The following CAST variants were observed in gnomAD, a reference collection of about 807,000 sequenced individuals.
CAST encodes calpastatin, also known as MIR583 host.
In CAST, 76 loss-of-function variants were observed where a neutral mutation model predicts 119.6. That is an observed-to-expected ratio of 0.64 (90% confidence interval 0.53 to 0.77). CAST has a LOEUF of 0.77. Ranked by LOEUF, CAST falls within the 30% of genes least tolerant of loss-of-function variation. The pLI, the probability that CAST is intolerant of heterozygous loss-of-function variation, is 0.00. For missense variants in CAST, 953 were observed against 946.5 expected, an observed-to-expected ratio of 1.01 and a Z score of -0.09; for synonymous variants, 319 against 331.6, an observed-to-expected ratio of 0.96 and a Z score of 0.41.
chr5:96,047,081 T>A, the CAST span, among the ~76,000 whole-genome samples: 5 of 152,278 alleles, frequency 3.3e-5, no homozygotes, highest in African/African-American at 4.8e-5. Flanking sequence ...ATAAGACTTT[T>A]AAAAAATATA....
intron 1 of CAST, among the ~76,000 whole-genome samples, chr5:96,533,636 G>C (rs981950142): frequency 6.6e-6 from 1 of 152,044 alleles, no homozygotes; most frequent in Non-Finnish European, 1.5e-5. Flanking sequence ...GTACATGTAG[G>C]CTCCAAATTT....
the CAST span, among the ~76,000 whole-genome samples, chr5:95,986,595 T>G: frequency 6.6e-6 from 1 of 152,196 alleles, no homozygotes; most frequent in Non-Finnish European, 1.5e-5. Flanking sequence ...TTTCATCTTC[T>G]CTTCTTACTT....
the CAST span, among the ~76,000 whole-genome samples, chr5:96,110,144 A>C: frequency 6.6e-6 from 1 of 152,210 alleles, no homozygotes; most frequent in Non-Finnish European, 1.5e-5. Context: ...TACAACACCA[A>C]ATAAATACTG....
the CAST span, among the ~76,000 whole-genome samples, chr5:96,080,433 G>A: frequency 1.3e-5 from 2 of 152,174 alleles, no homozygotes; most frequent in East Asian, 3.8e-4. Flanking sequence ...ATTTTGGCTT[G>A]AAGGAGATAG....
intron 1 of CAST, among the ~76,000 whole-genome samples, chr5:96,668,392 A>G (rs926257008): frequency 1.3e-5 from 2 of 152,240 alleles, no homozygotes; most frequent in African/African-American, 4.8e-5. Flanking sequence ...GTTCCTTTGT[A>G]CTTTAGGGAA....
At chr5:96,302,123 T>G in the CAST span, among the ~76,000 whole-genome samples, 803 of 152,298 alleles carry the variant, frequency 5.3e-3, 9 homozygotes, top group African/African-American at 0.017. Context: ...CTTGCAGGCT[T>G]AATACCACGT....
intron 1 of CAST, among the ~76,000 whole-genome samples, chr5:96,619,588 T>G (rs1747551049): frequency 6.6e-6 from 1 of 152,218 alleles, no homozygotes; most frequent in South Asian, 2.1e-4. Context: ...CCTCACTGTT[T>G]GGGTCTGCGC....
At chr5:96,354,659 C>T in the CAST span, among the ~76,000 whole-genome samples, 24 of 149,462 alleles carry the variant, frequency 1.6e-4, no homozygotes, top group African/African-American at 5.6e-4. Context: ...TGCTTATGTA[C>T]CTATAGACAG....
the CAST span, among the ~76,000 whole-genome samples, chr5:95,998,889 T>C: frequency 6.6e-6 from 1 of 152,184 alleles, no homozygotes; most frequent in Non-Finnish European, 1.5e-5. Context: ...ACATTCCCTT[T>C]TTCCCCATGT....
chr5:96,354,611 A>G, the CAST span, among the ~76,000 whole-genome samples: 2 of 151,418 alleles, frequency 1.3e-5, no homozygotes, highest in South Asian at 2.1e-4. Context: ...TTCTTTGAAT[A>G]ACATGTTTAT....
At chr5:96,158,035 C>T in the CAST span, among the ~76,000 whole-genome samples, 7 of 151,720 alleles carry the variant, frequency 4.6e-5, no homozygotes, top group Admixed American at 4.6e-4. Context: ...GAATGTAATT[C>T]CAGTGCCCCC....
At chr5:96,459,425 G>A in the CAST span, among the ~76,000 whole-genome samples, 1 of 152,130 alleles carries the variant, frequency 6.6e-6, no homozygotes, top group Non-Finnish European at 1.5e-5. Flanking sequence ...TGGGGCACTG[G>A]ATGAATAAAG....
chr5:96,375,875 T>G, the CAST span, among the ~76,000 whole-genome samples: 1 of 146,970 alleles, frequency 6.8e-6, no homozygotes, highest in Non-Finnish European at 1.5e-5. Flanking sequence ...ATAAACTAAT[T>G]GCTTAAAATA....
intron 1 of CAST, among the ~76,000 whole-genome samples, chr5:96,561,782 A>ATGTTTTTTT (rs1425476791): frequency 4.9e-5 from 3 of 61,712 alleles, no homozygotes; most frequent in East Asian, 9.4e-4. Flanking sequence ...TGTATTATAT[A>ATGTTTTTTT]TATGTTTTTT....
At chr5:96,219,423 A>G in the CAST span, among the ~76,000 whole-genome samples, 4 of 152,148 alleles carry the variant, frequency 2.6e-5, no homozygotes, top group Non-Finnish European at 4.4e-5. Context: ...TACCCATTTT[A>G]TAGATAAAGG....
At chr5:96,026,390 G>A in the CAST span, among the ~76,000 whole-genome samples, 1 of 152,194 alleles carries the variant, frequency 6.6e-6, no homozygotes, top group Non-Finnish European at 1.5e-5. Flanking sequence ...GGAAAACAGA[G>A]ACTCTGGGCC....
At chr5:96,695,624 T>C (rs1303378431) in intron 2 of CAST, among the ~76,000 whole-genome samples, 1 of 152,174 alleles carries the variant, frequency 6.6e-6, no homozygotes, top group Non-Finnish European at 1.5e-5. Flanking sequence ...TATTGAACAA[T>C]TGAGACTTAT....
chr5:96,535,539 A>AATT (rs1490244733), intron 1 of CAST, among the ~76,000 whole-genome samples: 2 of 151,702 alleles, frequency 1.3e-5, no homozygotes, highest in African/African-American at 4.8e-5. Flanking sequence ...GACTCAGCTA[A>AATT]ATTTGAGTTT....
chr5:96,660,362 T>A (rs560720665), upstream of CAST, among the ~76,000 whole-genome samples: 1 of 152,372 alleles, frequency 6.6e-6, no homozygotes, highest in East Asian at 1.9e-4. Context: ...CACCATCATG[T>A]GTTACAAATG....
Sources: allele counts gnomAD v4.1 joint callset (sites outside exome capture counted in the v4.1 genomes callset), GRCh38; gene constraint gnomAD v4.1.1; transcripts MANE v1.5; gene names NCBI Gene and HGNC (gene_info 2026-07-23, HGNC 2026-07-21).